Variants in GPC5 observed in about 807,000 individuals in gnomAD.
GPC5 encodes the protein glypican-5.
Under a neutral mutation model 53.9 loss-of-function variants are expected in GPC5, and 47 were observed. That is an observed-to-expected ratio of 0.87 (90% CI 0.69 to 1.11). The LOEUF (loss-of-function observed/expected upper bound fraction) is 1.11, where lower values mean the gene tolerates loss of function less well. Among genes scored for constraint, GPC5 ranks in the 50% most tolerant of loss-of-function variants. The pLI, the probability that GPC5 is intolerant of heterozygous loss-of-function variation, is 0.00. For synonymous variants in GPC5, 286 were observed against 263.3 expected (o/e 1.09, Z -0.84); for missense variants, 748 against 713.1 (o/e 1.05, Z -0.56).
intron 6 of GPC5, among the ~76,000 whole-genome samples, chr13:92,115,233 G>T (rs2041590863): frequency 6.6e-6 from 1 of 152,214 alleles, no homozygotes; most frequent in Non-Finnish European, 1.5e-5. Flanking sequence ...TTCTGGCCAG[G>T]TGTGGTGGCT....
At chr13:92,042,258 T>C (rs951055768) in intron 6 of GPC5, among the ~76,000 whole-genome samples, 14 of 152,232 alleles carry the variant, frequency 9.2e-5, no homozygotes, top group East Asian at 1.9e-4. Flanking sequence ...GCTGGACTTC[T>C]CAGTAGTCAG....
chr13:91,562,017 T>G (rs556447005), intron 2 of GPC5, among the ~76,000 whole-genome samples: 1 of 152,102 alleles, frequency 6.6e-6, no homozygotes, highest in East Asian at 1.9e-4. Context: ...ATTTACTGAG[T>G]TAACTGAACT....
intron 7 of GPC5, among the ~76,000 whole-genome samples, chr13:92,847,921 G>A (rs1447014944): frequency 6.6e-6 from 1 of 152,160 alleles, no homozygotes. Flanking sequence ...TGATAATAGA[G>A]ATGATTATTT....
intron 2 of GPC5, among the ~76,000 whole-genome samples, chr13:91,518,912 T>C (rs1885654228): frequency 6.6e-6 from 1 of 152,138 alleles, no homozygotes. Context: ...AAATTGTAAA[T>C]CTGCAAGCAG....
At chr13:91,641,144 G>A (rs4773642) in intron 2 of GPC5, among the ~76,000 whole-genome samples, 98,788 of 151,844 alleles carry the variant, frequency 0.65, 32,323 homozygotes, top group East Asian at 0.79. Context: ...TGGCTAACAC[G>A]GTGAAACGCA....
chr13:92,537,267 C>T (rs1181566590), intron 7 of GPC5, among the ~76,000 whole-genome samples: 1 of 152,084 alleles, frequency 6.6e-6, no homozygotes, highest in African/African-American at 2.4e-5. Flanking sequence ...GAAAATTTAT[C>T]ATGTCAGAAA....
intron 7 of GPC5, among the ~76,000 whole-genome samples, chr13:92,743,182 G>A (rs1274842059): frequency 6.6e-6 from 1 of 151,986 alleles, no homozygotes; most frequent in Non-Finnish European, 1.5e-5. Flanking sequence ...GGGCAGTATG[G>A]CCATTTTCAC....
At chr13:91,831,977 G>T (rs556262468) in intron 5 of GPC5, among the ~76,000 whole-genome samples, 28 of 151,948 alleles carry the variant, frequency 1.8e-4, no homozygotes, top group Middle Eastern at 6.8e-3. Context: ...TATTAGGTCT[G>T]CTTGGTCCAG....
intron 7 of GPC5, among the ~76,000 whole-genome samples, chr13:92,405,845 A>G (rs904276441): frequency 1.3e-5 from 2 of 152,198 alleles, no homozygotes; most frequent in African/African-American, 2.4e-5. Flanking sequence ...TTAGGCACAA[A>G]TAGTTAAGAA....
chr13:92,739,789 T>G (rs148189671), intron 7 of GPC5, among the ~76,000 whole-genome samples: 1 of 151,916 alleles, frequency 6.6e-6, no homozygotes, highest in African/African-American at 2.4e-5. Flanking sequence ...AATAGTCCCT[T>G]GATCCAACAT....
intron 7 of GPC5, among the ~76,000 whole-genome samples, chr13:92,785,331 T>C (rs1876186934): frequency 6.6e-6 from 1 of 152,124 alleles, no homozygotes; most frequent in Non-Finnish European, 1.5e-5. Flanking sequence ...CACATAGTCA[T>C]GGAATGAAGT....
Position 92,018,073 on chromosome 13 carries a change from G to A in GPC5, c.1401+110016G>A, listed in dbSNP as rs1330228193. 2.6e-5 allele frequency among the ~76,000 whole-genome samples: 4 copies of A among 151,940 alleles called. No individual in the cohort carries two copies. The East Asian group carries it at 7.7e-4, about 29-fold the overall frequency. On this transcript the variant is annotated intron_variant, in intron 6 of 7. Coordinates refer to ENST00000377067, the MANE Select transcript of GPC5 (RefSeq NM_004466.6). ...AACACCTGGGCCTTTAGTGGCTGAG[G>A]GCTTTTTAAAGAACTGGTATCTGGA...
intron 7 of GPC5, among the ~76,000 whole-genome samples, chr13:92,516,954 C>T (rs1449397423): frequency 1.3e-5 from 2 of 151,994 alleles, no homozygotes; most frequent in Admixed American, 1.3e-4. Context: ...ACAAACTGCA[C>T]CTGGAAAATC....
intron 7 of GPC5, among the ~76,000 whole-genome samples, chr13:92,301,922 T>A (rs946410241): frequency 2.5e-4 from 38 of 151,818 alleles, no homozygotes; most frequent in South Asian, 6.2e-4. Flanking sequence ...ATTAATTAAT[T>A]AATTAATATC....
intron 7 of GPC5, among the ~76,000 whole-genome samples, chr13:92,593,980 G>C (rs1883791304): frequency 6.6e-6 from 1 of 152,080 alleles, no homozygotes; most frequent in African/African-American, 2.4e-5. Context: ...GGCATAAACT[G>C]CAAGAACAAA....
At chr13:92,534,024 T>A (rs1881643639) in intron 7 of GPC5, among the ~76,000 whole-genome samples, 1 of 152,120 alleles carries the variant, frequency 6.6e-6, no homozygotes, top group African/African-American at 2.4e-5. Context: ...AGGTGGCTCA[T>A]GCCTATCATC....
chr13:92,738,237 C>A (rs1362691799), intron 7 of GPC5, among the ~76,000 whole-genome samples: 2 of 151,874 alleles, frequency 1.3e-5, no homozygotes, highest in Non-Finnish European at 2.9e-5. Flanking sequence ...GATAAAACTC[C>A]TACACATATA....
chr13:92,013,465 G>C (rs2040679546), intron 6 of GPC5, among the ~76,000 whole-genome samples: 1 of 152,154 alleles, frequency 6.6e-6, no homozygotes, highest in Non-Finnish European at 1.5e-5. Flanking sequence ...GGTCTTTATA[G>C]GCACAGGATG....
intron 7 of GPC5, among the ~76,000 whole-genome samples, chr13:92,257,545 G>GTTTTTTTTTTTT (rs1566507028): frequency 6.0e-5 from 3 of 50,052 alleles, no homozygotes; most frequent in South Asian, 7.3e-4. Flanking sequence ...CTAATACAGG[G>GTTTTTTTTTTTT]ATTTTTTTTT....
Sources: gnomAD v4.1 joint callset for allele counts (sites outside exome capture counted in the v4.1 genomes callset) on GRCh38, gnomAD v4.1.1 for gene constraint, MANE v1.5 for transcripts, NCBI Gene and HGNC (gene_info 2026-07-23, HGNC 2026-07-21) for gene names.